The following TESPA1 variants were observed in gnomAD, a reference collection of about 807,000 sequenced individuals.
TESPA1 encodes thymocyte expressed, positive selection associated 1, also known as protein TESPA1.
A neutral mutation model predicts 57.9 loss-of-function variants in TESPA1; 33 were observed. The observed-to-expected ratio is 0.57, with a 90% CI of 0.43 to 0.76. The LOEUF is 0.76. Ranked by LOEUF, TESPA1 falls within the 30% of genes least tolerant of loss-of-function variation. The pLI, the probability that TESPA1 is intolerant of heterozygous loss-of-function variation, is 0.00. For synonymous variants in TESPA1, 227 were observed against 228.9 expected, an observed-to-expected ratio of 0.99 and a Z score of 0.07; for missense variants, 618 against 632.9, an observed-to-expected ratio of 0.98 and a Z score of 0.25.
intron 3 of TESPA1, among the ~76,000 whole-genome samples, chr12:54,969,668 G>A (rs1447719722): frequency 6.6e-6 from 1 of 152,070 alleles, no homozygotes; most frequent in East Asian, 1.9e-4. Context: ...GCGAATACTT[G>A]GATAAGCATC....
At chr12:54,977,963 T>C (rs1323555848) in intron 1 of TESPA1, among the ~76,000 whole-genome samples, 1 of 152,122 alleles carries the variant, frequency 6.6e-6, no homozygotes, top group South Asian at 2.1e-4. Context: ...TAGTGTCTGG[T>C]TAGTGGTAAT....
At chr12:54,973,881 C>T (rs1323437092) in intron 2 of TESPA1, 1 of 1,066,646 alleles carries the variant, frequency 9.4e-7, no homozygotes, top group African/African-American at 1.7e-5. Context: ...ACCAAATAAG[C>T]ATTTATTTCC....
intron 10 of TESPA1, among the ~76,000 whole-genome samples, chr12:54,956,486 C>G (rs1312327745): frequency 2.6e-5 from 4 of 152,104 alleles, no homozygotes; most frequent in Admixed American, 2.0e-4. Flanking sequence ...CACAGGAAAC[C>G]AATAGAAAGG....
intron 3 of TESPA1, among the ~76,000 whole-genome samples, chr12:54,970,854 A>C (rs951540321): frequency 6.6e-6 from 1 of 152,244 alleles, no homozygotes; most frequent in Non-Finnish European, 1.5e-5. Context: ...AGCTTCTTCT[A>C]GATGTTTCCA....
chr12:54,976,453 A>C (rs1187851690), intron 1 of TESPA1, among the ~76,000 whole-genome samples: 1 of 151,144 alleles, frequency 6.6e-6, no homozygotes, highest in African/African-American at 2.4e-5. Context: ...CTCACAGAAC[A>C]TTTTTGGTCG....
At chr12:54,952,946 C>A (rs137943239) in intron 10 of TESPA1, among the ~76,000 whole-genome samples, 1 of 152,022 alleles carries the variant, frequency 6.6e-6, no homozygotes, top group Middle Eastern at 3.2e-3. Context: ...TTTTTCTTCC[C>A]CAAACACAAG....
intron 5 of TESPA1, among the ~76,000 whole-genome samples, 193 bp from the exon 6 acceptor site, chr12:54,966,617 T>C (rs1276815602): frequency 6.6e-6 from 1 of 152,200 alleles, no homozygotes; most frequent in African/African-American, 2.4e-5. Flanking sequence ...GGGACAGATA[T>C]GCCAGAGAGT....
intron 2 of TESPA1, chr12:54,973,966 G>C (rs1023847446): frequency 1.1e-6 from 1 of 937,000 alleles, no homozygotes; most frequent in African/African-American, 1.8e-5. Context: ...GTGTAGGAAA[G>C]GTACTACTAC....
chr12:54,972,651 A>C (rs1440006916), intron 3 of TESPA1, among the ~76,000 whole-genome samples: 1 of 152,214 alleles, frequency 6.6e-6, no homozygotes, highest in East Asian at 1.9e-4. Flanking sequence ...ACACAAAATA[A>C]ATCCTTCCTG....
At chr12:54,962,339 A>AT in intron 9 of TESPA1, 92 bp downstream of exon 9, 1 of 1,412,138 alleles carries the variant, frequency 7.1e-7, no homozygotes, top group East Asian at 2.3e-5. Flanking sequence ...AGCCTGGATT[A>AT]TTTTTCCCCC....
intron 1 of TESPA1, 131 bp from the exon 2 acceptor site, chr12:54,974,738 A>G (rs767109530): frequency 1.2e-5 from 6 of 510,678 alleles, no homozygotes; most frequent in Admixed American, 4.3e-5. Flanking sequence ...AAAAGCAGGG[A>G]GGACATGCCT....
Position 54,961,216 on chromosome 12 carries a change from G to A in TESPA1, c.1519C>T (p.Pro507Ser). 3 of 1,613,976 alleles carry A rather than the reference G, an allele frequency of 1.9e-6. No homozygotes were observed. The highest frequency in any genetic ancestry group is 1.6e-4 in the Middle Eastern group (1 of 6,062). Reference protein sequence around the residue: ...EQSQSRWPSRPRHPHHHQTFA... With the variant: ...EQSQSRWPSRSRHPHHHQTFA... The stretch of plus-strand genomic sequence containing the variant: ...GTCTGGTGGTGGTGGGGGTGCCTGG[G>A]TCTGCTGGGCCAGCGACTCTGACTC... Residue 507 changes from proline (P) to serine (S), a missense_variant, in exon 10 of 11, where the codon CCC becomes TCC. By Grantham distance (74) the Pro-to-Ser change is moderately conservative (BLOSUM62 -1). This residue lies in a region of TESPA1 where 409 missense variants were observed against 420.1 expected (regional missense o/e 0.97). Transcript: ENST00000449076.
Position 54,974,576 on chromosome 12 carries a change from A to G in TESPA1, c.-14T>C, listed in dbSNP as rs779952950. 6 of 1,546,672 alleles carry G rather than the reference A, an allele frequency of 3.9e-6. No homozygotes were observed. Among genetic ancestry groups the G allele is most frequent in the Non-Finnish European group, 3.5e-6 (4 of 1,144,580 alleles). On this transcript the variant is annotated 5_prime_UTR_variant, in exon 2 of 11. Transcript: ENST00000449076. ...AGAGGCCTCCATGGCCCTGGCTCAGACTTCAGGGCCTCCCGTAACAGTAAT... is the reference window on the plus strand; with the variant it reads ...AGAGGCCTCCATGGCCCTGGCTCAGGCTTCAGGGCCTCCCGTAACAGTAAT...
intron 10 of TESPA1, among the ~76,000 whole-genome samples, chr12:54,952,438 A>G (rs1398391306): frequency 6.6e-6 from 1 of 152,260 alleles, no homozygotes; most frequent in Non-Finnish European, 1.5e-5. Flanking sequence ...TAGTCAAACA[A>G]GATGACTAGA....
chr12:54,955,661 T>C (rs72648129), intron 10 of TESPA1, among the ~76,000 whole-genome samples: 17,218 of 152,290 alleles, frequency 0.11, 2,351 homozygotes, highest in East Asian at 0.64. Flanking sequence ...TTTCGTTCTG[T>C]GTTTGCAATC....
chr12:54,973,959 T>C (rs918317027), intron 2 of TESPA1: 3 of 974,784 alleles, frequency 3.1e-6, no homozygotes, highest in African/African-American at 1.8e-5. Context: ...CTGAGAAGTG[T>C]AGGAAAGGTA....
intron 1 of TESPA1, among the ~76,000 whole-genome samples, chr12:54,983,104 T>C (rs1423499147): frequency 6.6e-6 from 1 of 152,202 alleles, no homozygotes; most frequent in African/African-American, 2.4e-5. Flanking sequence ...GTCACAGCAT[T>C]GGCTGAGACG....
chr12:54,966,360 A>G (rs936781118), intron 6 of TESPA1, 28 bp downstream of exon 6: 1 of 1,613,876 alleles, frequency 6.2e-7, no homozygotes. Context: ...AGGAGACATC[A>G]TTCACCCTGG....
chr12:54,965,626 A>G (rs1951378889), intron 7 of TESPA1, among the ~76,000 whole-genome samples: 1 of 152,138 alleles, frequency 6.6e-6, no homozygotes, highest in African/African-American at 2.4e-5. Context: ...TGTCTTTGCT[A>G]TTGTGAATAG....
Sources: gnomAD v4.1 joint callset for allele counts (sites outside exome capture counted in the v4.1 genomes callset) on GRCh38, gnomAD v4.1.1 for gene constraint, gnomAD v4.1.1 regional missense constraint, MANE v1.5 for transcripts, NCBI Gene and HGNC (gene_info 2026-07-23, HGNC 2026-07-21) for gene names.